The following GREB1 variants were observed in gnomAD, a reference collection of about 807,000 sequenced individuals.
GREB1 encodes protein GREB1.
GREB1 carries 106 observed loss-of-function variants against 200.7 expected under a neutral mutation model. The ratio of observed to expected loss-of-function variants is 0.53; its 90% CI spans 0.45 to 0.62. The LOEUF is 0.62. GREB1 is among the 20% of genes least tolerant of loss of function. The pLI, the probability that GREB1 is intolerant of heterozygous loss-of-function variation, is 0.00. For missense variants in GREB1, 2,243 were observed against 2,556.8 expected, an observed-to-expected ratio of 0.88 and a Z score of 2.65; for synonymous variants, 1,132 against 1,092.4, an observed-to-expected ratio of 1.04 and a Z score of -0.72.
At chr2:11,578,522 T>C in intron 6 of GREB1, 91 bp downstream of exon 6, 1 of 1,318,348 alleles carries the variant, frequency 7.6e-7, no homozygotes, top group Non-Finnish European at 1.0e-6. Flanking sequence ...CAAGCATTCT[T>C]CAAAATAAAT....
Position 11,556,437 on chromosome 2 carries a change from C to T in GREB1, c.-161-17C>T. 1.9e-6 allele frequency: 1 copy of T among 517,724 alleles called. No individual in the cohort carries two copies. The highest frequency in any genetic ancestry group is 3.4e-6 in the Non-Finnish European group (1 of 294,692). The allele number at this position is 517,724 out of a possible 1,614,324, so 32.1% of individuals were successfully genotyped here. ...AGAAAGCTGTTACTTATATAACTTC[C>T]TGTAATTGCCCGGCAGTAGCTGCAG... On this transcript the variant is annotated splice_polypyrimidine_tract_variant and intron_variant, in intron 1 of 32. Transcript: ENST00000381486.
At chr2:11,555,608 C>T (rs528667690) in intron 1 of GREB1, among the ~76,000 whole-genome samples, 50 of 152,210 alleles carry the variant, frequency 3.3e-4, no homozygotes, top group African/African-American at 9.9e-4. Context: ...ATTGTGCTAA[C>T]GTTAGATAGA....
intron 9 of GREB1, among the ~76,000 whole-genome samples, chr2:11,586,612 A>G (rs1014335980): frequency 2.6e-5 from 4 of 152,210 alleles, no homozygotes; most frequent in Admixed American, 6.5e-5. Flanking sequence ...TGGGCACGGC[A>G]CACACACACC....
chr2:11,579,966 T>C (rs1409300869), intron 6 of GREB1, among the ~76,000 whole-genome samples: 2 of 152,156 alleles, frequency 1.3e-5, no homozygotes, highest in Non-Finnish European at 2.9e-5. Flanking sequence ...AGAAAGTGGT[T>C]TAATGGACTC....
At chr2:11,590,386 G>A (rs1015138355) in intron 10 of GREB1, among the ~76,000 whole-genome samples, 1 of 152,028 alleles carries the variant, frequency 6.6e-6, no homozygotes, top group East Asian at 1.9e-4. Flanking sequence ...ACCCCTTCCC[G>A]GGGGCCCAGC....
intron 4 of GREB1, among the ~76,000 whole-genome samples, chr2:11,575,905 C>T (rs1218342899): frequency 6.6e-6 from 1 of 152,214 alleles, no homozygotes; most frequent in Non-Finnish European, 1.5e-5. Context: ...AGTGGGCCCT[C>T]AAGCACGTTA....
chr2:11,511,742 T>C (rs1231309391), intron 1 of GREB1, among the ~76,000 whole-genome samples: 1 of 152,162 alleles, frequency 6.6e-6, no homozygotes, highest in African/African-American at 2.4e-5. Flanking sequence ...TGGGCTTTCA[T>C]ATAGCCCAAA....
chr2:11,602,615 C>G (rs1681883142), intron 17 of GREB1, 73 bp downstream of exon 17: 14 of 1,280,420 alleles, frequency 1.1e-5, no homozygotes, highest in Middle Eastern at 2.0e-4. Flanking sequence ...GTTTAGCCAG[C>G]CAGGGAATTC....
At chr2:11,639,333 C>A (rs928781407) in intron 32 of GREB1, among the ~76,000 whole-genome samples, 2 of 152,246 alleles carry the variant, frequency 1.3e-5, no homozygotes, top group African/African-American at 4.8e-5. Flanking sequence ...AGGTGATCCA[C>A]CTGCCTCGGC....
intron 1 of GREB1, among the ~76,000 whole-genome samples, chr2:11,523,936 T>A (rs951661767): frequency 2.6e-5 from 4 of 152,216 alleles, no homozygotes; most frequent in Admixed American, 1.3e-4. Flanking sequence ...CATGAATTCA[T>A]ACTGGGACAG....
Position 11,631,868 on chromosome 2 carries a change from C to G in GREB1, c.4612-41C>G, listed in dbSNP as rs79845874. The G allele has an allele frequency of 2.1e-5, 31 of 1,445,668 alleles. 1 individual carries two copies. The South Asian group carries it at 3.5e-4, about 17-fold the overall frequency. 89.6% of individuals were successfully genotyped at this position (1,445,668 alleles called of 1,614,324 possible). ...CATGTCAAGGGAATAATTGCAGCCA[C>G]ATTTACAAACACTCTACCTCATGAT... On this transcript the variant is annotated intron_variant, in intron 26 of 32. Transcript: ENST00000381486.
In GREB1 at chr2:11,534,055, T is replaced by C. The variant is rs977224870; in HGVS notation, c.-361T>C. The C allele has an allele frequency of 2.0e-5, 3 of 152,190 alleles. No homozygotes were observed. Among genetic ancestry groups the C allele is most frequent in the African/African-American group, 7.2e-5 (3 of 41,438 alleles). The allele number at this position is 152,190 out of a possible 1,614,324, so 9.4% of individuals were successfully genotyped here. On this transcript the variant is annotated 5_prime_UTR_variant, in exon 1 of 33. Transcript: ENST00000381486. Reference sequence around the variant, plus strand: ...CACCGTTTTACACATGCTAAATGGTTAAGAGATACATAAATACTGCAGTAG... The same window carrying C: ...CACCGTTTTACACATGCTAAATGGTCAAGAGATACATAAATACTGCAGTAG...
intron 1 of GREB1, among the ~76,000 whole-genome samples, chr2:11,519,098 GAAA>G (rs568322870): frequency 1.5e-5 from 1 of 64,664 alleles, no homozygotes; most frequent in Non-Finnish European, 3.3e-5. Flanking sequence ...CTCCGTCTCA[GAAA>G]AAAAAAAAAA....
At chr2:11,612,178 A>C (rs1682995445) in intron 18 of GREB1, 1 of 366,136 alleles carries the variant, frequency 2.7e-6, no homozygotes, top group African/African-American at 2.4e-5. Flanking sequence ...TGGGTGACTC[A>C]GCGAGACTCT....
rs1675509745 is a variant in GREB1, at chr2:11,548,459, T to C, written c.-161-7995T>C. ...TAGTTATATCAAAACTTTGTTTGAA[T>C]CAGCACTCACCATAGACTTACAGTG... is the stretch of plus-strand genomic sequence containing the variant. On this transcript the variant is annotated intron_variant, in intron 1 of 32. Coordinates refer to ENST00000381486, the MANE Select transcript of GREB1 (RefSeq NM_014668.4). The surrounding 1 kb of genome is among the most constrained non-coding windows in gnomAD (Gnocchi z 5.1). 6.6e-6 allele frequency among the ~76,000 whole-genome samples: 1 copy of C among 152,226 alleles called. No individual in the cohort carries two copies. Among genetic ancestry groups the C allele is most frequent in the East Asian group, 1.9e-4 (1 of 5,198 alleles).
rs1681864672 is a variant in GREB1, at chr2:11,602,423, T to C, written c.2547T>C (p.His849=). 1.2e-6 allele frequency: 2 copies of C among 1,613,618 alleles called. No homozygotes were observed. The highest frequency in any genetic ancestry group is 1.7e-6 in the Non-Finnish European group (2 of 1,179,510). ...ASCSNGVDLY[H]ENKKYFGLSE... ...TGTTTTAGGGAGTGGACTTATATCA[T>C]GAAAATAAGAAGTACTTCGGGCTGT... The change falls in exon 17 of 33, where the codon CAT becomes CAC. Residue 849 remains histidine (H), a synonymous_variant. Transcript: ENST00000381486.
intron 1 of GREB1, among the ~76,000 whole-genome samples, chr2:11,505,563 C>G (rs537703935): frequency 6.6e-6 from 1 of 152,276 alleles, no homozygotes; most frequent in Non-Finnish European, 1.5e-5. Context: ...AGTGTTCAGG[C>G]TGGGTACAGT....
chr2:11,526,122 C>T (rs1455124328), intron 1 of GREB1, among the ~76,000 whole-genome samples: 1 of 152,178 alleles, frequency 6.6e-6, no homozygotes, highest in Non-Finnish European at 1.5e-5. Context: ...TGAGTTCACG[C>T]AGGTTAATTA....
At position 11,623,633 on chromosome 2, in the gene GREB1, G is replaced by A. The variant is rs1249513386; in HGVS notation, c.4148-1521G>A. Among the ~76,000 whole-genome samples the A allele has an allele frequency of 3.3e-5, 5 of 152,246 alleles. No individual in the cohort carries two copies. In the East Asian group the frequency reaches 5.8e-4, roughly 18 times the overall value. On this transcript the variant is annotated intron_variant, in intron 23 of 32. Transcript: ENST00000381486. ...GGGCCAGGCGTGGTGGCTCACGCCT[G>A]TAATCCCAGCACTTTGTGGGGCCGA...
Sources: allele counts gnomAD v4.1 joint callset (sites outside exome capture counted in the v4.1 genomes callset), GRCh38; gene constraint gnomAD v4.1.1; non-coding constraint Gnocchi (gnomAD v3.1); transcripts MANE v1.5; gene names NCBI Gene and HGNC (gene_info 2026-07-23, HGNC 2026-07-21).